The following ANKDD1B variants were observed in gnomAD, a reference collection of about 807,000 sequenced individuals.
ANKDD1B encodes ankyrin repeat and death domain containing 1B.
In ANKDD1B, 57 loss-of-function variants were observed where a neutral mutation model predicts 59.7. The observed-to-expected ratio is 0.95, with a 90% CI of 0.77 to 1.19. ANKDD1B has a LOEUF of 1.19. Ranked by LOEUF, ANKDD1B falls within the 50% of genes most tolerant of loss-of-function variation. ANKDD1B has a pLI of 0.00. For synonymous variants in ANKDD1B, 216 were observed against 239.5 expected, an observed-to-expected ratio of 0.90 and a Z score of 0.91; for missense variants, 602 against 641.9, an observed-to-expected ratio of 0.94 and a Z score of 0.67.
At chr5:75,661,354 G>T (rs1342178592) in intron 10 of ANKDD1B, among the ~76,000 whole-genome samples, 2 of 133,780 alleles carry the variant, frequency 1.5e-5, no homozygotes, top group Admixed American at 8.3e-5. Context: ...CCGAGACCGT[G>T]CCAGTGCACT....
chr5:75,625,658 A>G lies in ANKDD1B; in HGVS notation c.408A>G (p.Thr136=), dbSNP rs570466558. 5 of 1,536,234 alleles carry G rather than the reference A, an allele frequency of 3.3e-6. No individual in the cohort carries two copies. The highest frequency in any genetic ancestry group is 4.4e-6 in the Non-Finnish European group (5 of 1,146,958). The change falls in exon 4 of 14, where the codon ACA becomes ACG. Residue 136 remains threonine (T), a synonymous_variant. Coordinates refer to ENST00000601380, the MANE Select transcript of ANKDD1B (RefSeq NM_001276713.2). ...RVDVADKHGL[T]VIHLAAWSGS... ...TCTTCTTGGGGAAGCACGGCTTGAC[A>G]GTAATTCACCTTGCAGCCTGGTCTG...
chr5:75,631,144 A>G (rs1350769754), intron 5 of ANKDD1B, among the ~76,000 whole-genome samples: 1 of 152,196 alleles, frequency 6.6e-6, no homozygotes. Context: ...TGCAAAGTAA[A>G]ATGAAAGTGC....
At chr5:75,635,905 G>T in intron 7 of ANKDD1B, 23 bp downstream of exon 7, 1 of 1,427,696 alleles carries the variant, frequency 7.0e-7, no homozygotes, top group African/African-American at 1.4e-5. Flanking sequence ...GCTCGTTATT[G>T]CCATAGGACT....
intron 5 of ANKDD1B, among the ~76,000 whole-genome samples, chr5:75,630,622 T>C (rs1349776436): frequency 6.6e-6 from 1 of 152,244 alleles, no homozygotes. Context: ...CATTTTAAAG[T>C]TGAACAGATT....
intron 7 of ANKDD1B, among the ~76,000 whole-genome samples, chr5:75,642,261 G>T (rs1197204210): frequency 6.6e-6 from 1 of 152,010 alleles, no homozygotes; most frequent in African/African-American, 2.4e-5. Context: ...GGCCGAATAG[G>T]AACAGCTCCG....
At chr5:75,667,977 TACTA>T (rs1775356139) in intron 12 of ANKDD1B, among the ~76,000 whole-genome samples, 1 of 152,342 alleles carries the variant, frequency 6.6e-6, no homozygotes, top group Non-Finnish European at 1.5e-5. Context: ...AAACATTGAA[TACTA>T]ACTAGTTTCT....
Position 75,666,968 on chromosome 5 carries a change from T to G in ANKDD1B, c.1368T>G (p.Ile456Met). 1 of 1,491,492 alleles carries G rather than the reference T, an allele frequency of 6.7e-7. No homozygotes were observed. The highest frequency in any genetic ancestry group is 1.3e-5 in the South Asian group (1 of 74,922). 92.4% of individuals were successfully genotyped at this position (1,491,492 alleles called of 1,614,324 possible). A position where few individuals can be genotyped will look rare whatever the true frequency, so the allele number is the denominator to read the frequency against. Residue 456 changes from isoleucine to methionine, a missense_variant, in exon 12 of 14, where the codon ATT (isoleucine) becomes ATG (methionine). Ile to Met is a conservative substitution (Grantham distance 10). This residue lies in a region of ANKDD1B where 280 missense variants were observed against 319.8 expected (regional missense o/e 0.88). Coordinates refer to ENST00000601380, the MANE Select transcript of ANKDD1B (RefSeq NM_001276713.2). ...ARSWNFTDDQ[I>M]RAIEEQWSGN... The stretch of plus-strand genomic sequence containing the variant: ...CGTGGAACTTTACAGATGACCAGAT[T>G]AGAGCCATTGAGGAGCAGTGGTCGG...
chr5:75,642,079 A>C (rs1738835541), intron 7 of ANKDD1B, among the ~76,000 whole-genome samples: 1 of 151,776 alleles, frequency 6.6e-6, no homozygotes, highest in South Asian at 2.1e-4. Context: ...TAATTGAAAA[A>C]ATATAGTATA....
At chr5:75,629,903 A>G (rs1490668231) in intron 5 of ANKDD1B, among the ~76,000 whole-genome samples, 1 of 152,206 alleles carries the variant, frequency 6.6e-6, no homozygotes, top group Non-Finnish European at 1.5e-5. Flanking sequence ...ATGCCACTGC[A>G]TTTCAGCCTG....
intron 1 of ANKDD1B, among the ~76,000 whole-genome samples, chr5:75,615,473 G>T (rs1361614304): frequency 1.3e-5 from 2 of 152,094 alleles, no homozygotes; most frequent in Non-Finnish European, 2.9e-5. Context: ...ATGAACATGT[G>T]AATCTGCATG....
At chr5:75,655,255 G>T (rs1774938452) in intron 8 of ANKDD1B, among the ~76,000 whole-genome samples, 1 of 152,210 alleles carries the variant, frequency 6.6e-6, no homozygotes, top group African/African-American at 2.4e-5. Flanking sequence ...AAGGGCTGTG[G>T]CTGGGAAGAC....
Position 75,611,740 on chromosome 5 carries a change from G to T in ANKDD1B, c.106G>T (p.Ala36Ser), listed in dbSNP as rs1330564861. The part of the protein sequence containing the change: ...KGLREDLWGA[A>S]ALPWRSLSRI... Reference sequence around the variant, plus strand: ...TCTCAGGGAAGACCTGTGGGGCGCGGCCGCCCTGCCTTGGAGGAGCCTGTC... The same window carrying T: ...TCTCAGGGAAGACCTGTGGGGCGCGTCCGCCCTGCCTTGGAGGAGCCTGTC... The change falls in exon 1 of 14, where the codon GCC becomes TCC. Residue 36 changes from alanine to serine, a missense_variant. Physicochemically the swap from Ala to Ser is moderately conservative, Grantham distance 99. Around this residue, in one of 3 missense-constraint regions of ANKDD1B, gnomAD observed 317 missense variants for 304.6 expected, o/e 1.04. Coordinates refer to ENST00000601380, the MANE Select transcript of ANKDD1B (RefSeq NM_001276713.2). 1.6e-6 allele frequency: 2 copies of T among 1,231,988 alleles called. No homozygotes were observed. 76.3% of individuals were successfully genotyped at this position (1,231,988 alleles called of 1,614,324 possible). A position where few individuals can be genotyped will look rare whatever the true frequency, so the allele number is the denominator to read the frequency against.
Position 75,634,932 on chromosome 5 carries a change from G to C in ANKDD1B, c.635G>C (p.Arg212Thr). The C allele has an allele frequency of 6.5e-7, 1 of 1,535,656 alleles. No individual in the cohort carries two copies. Among genetic ancestry groups the C allele is most frequent in the Admixed American group, 2.0e-5 (1 of 50,998 alleles). ...AAACCATTTCTTTTGGCAGCTGAGA[G>C]GGGCCATGTTGAAATGATAGAAAAA... ...GRKPFLLAAE[R>T]GHVEMIEKLT... The change falls in exon 6 of 14, where the codon AGG becomes ACG. Residue 212 changes from arginine to threonine, a missense_variant. Coordinates refer to ENST00000601380, the MANE Select transcript of ANKDD1B (RefSeq NM_001276713.2).
intron 7 of ANKDD1B, among the ~76,000 whole-genome samples, chr5:75,640,294 C>T (rs931183094): frequency 2.6e-5 from 4 of 152,172 alleles, no homozygotes; most frequent in Non-Finnish European, 5.9e-5. Flanking sequence ...TTCTGCCTGC[C>T]TCAGCCTCCC....
rs1774872520 is a variant in ANKDD1B, at chr5:75,653,122, C to T, written c.799-20C>T. 1 of 1,503,650 alleles carries T rather than the reference C, an allele frequency of 6.7e-7. No individual in the cohort carries two copies. The highest frequency in any genetic ancestry group is 8.9e-7 in the Non-Finnish European group (1 of 1,117,444). The allele number at this position is 1,503,650 out of a possible 1,614,324, so 93.1% of individuals were successfully genotyped here. A position where few individuals can be genotyped will look rare whatever the true frequency, so the allele number is the denominator to read the frequency against. ...ATTATAATGAGAGTTCCTCCTTGCC[C>T]TCTCTATTGTCTCTTGCAGCTCAAT... On this transcript the variant is annotated intron_variant, in intron 7 of 13. Transcript: ENST00000601380.
chr5:75,642,372 G>A (rs1054932131), intron 7 of ANKDD1B, among the ~76,000 whole-genome samples: 11 of 150,746 alleles, frequency 7.3e-5, no homozygotes, highest in Admixed American at 2.0e-4. Flanking sequence ...GACAGTGGGC[G>A]CAGGCCAGTG....
chr5:75,656,211 C>A, intron 9 of ANKDD1B, 84 bp downstream of exon 9: 1 of 622,866 alleles, frequency 1.6e-6, no homozygotes. Context: ...TGATTAAGTT[C>A]AAGGTACCTA....
At chr5:75,653,821 A>C (rs1437996716) in intron 8 of ANKDD1B, among the ~76,000 whole-genome samples, 1 of 152,198 alleles carries the variant, frequency 6.6e-6, no homozygotes, top group East Asian at 1.9e-4. Flanking sequence ...TTATTGTATT[A>C]ACTCAAGAGG....
chr5:75,642,073 T>C (rs978012459), intron 7 of ANKDD1B, among the ~76,000 whole-genome samples: 2 of 152,056 alleles, frequency 1.3e-5, no homozygotes, highest in African/African-American at 4.8e-5. Flanking sequence ...GAACACTAAT[T>C]GAAAAAATAT....
Sources: allele counts gnomAD v4.1 joint callset (sites outside exome capture counted in the v4.1 genomes callset), GRCh38; gene constraint gnomAD v4.1.1; regional missense constraint gnomAD v4.1.1; transcripts MANE v1.5; gene names NCBI Gene and HGNC (gene_info 2026-07-23, HGNC 2026-07-21).